NPPA: variants seen among roughly 807,000 people sequenced by gnomAD.
NPPA encodes the protein natriuretic peptides A.
Under a neutral mutation model 12.2 loss-of-function variants are expected in NPPA, and 10 were observed. The observed-to-expected ratio is 0.82, with a 90% CI of 0.50 to 1.38. The LOEUF (loss-of-function observed/expected upper bound fraction) is 1.38. Ranked by LOEUF, NPPA falls within the 40% of genes most tolerant of loss-of-function variation. The probability of loss-of-function intolerance (pLI) is 0.00; values close to 1 mark genes in which losing one functional copy is unlikely to be tolerated. For missense variants in NPPA, 207 were observed against 193.5 expected, an observed-to-expected ratio of 1.07 and a Z score of -0.41; for synonymous variants, 85 against 80.2, an observed-to-expected ratio of 1.06 and a Z score of -0.32.
rs372733750 is a variant in NPPA at position 11,847,691 on chromosome 1, G to C, written c.-7C>G. The C allele has an allele frequency of 6.2e-7, 1 of 1,614,096 alleles. No homozygotes were observed. Among genetic ancestry groups the C allele is most frequent in the Non-Finnish European group, 8.5e-7 (1 of 1,180,018 alleles). ...TGGTGGAGAAGGAGCTCATGCTGGC[G>C]TCGTCAAGGAGCAATCCACTGCTTG... On this transcript the variant is annotated 5_prime_UTR_variant, in exon 1 of 3. Coordinates refer to ENST00000376480, the MANE Select transcript of NPPA (RefSeq NM_006172.4).
chr1:11,847,483 CTT>C, intron 1 of NPPA, 44 bp from the exon 2 acceptor site: 1 of 1,614,090 alleles, frequency 6.2e-7, no homozygotes, highest in Non-Finnish European at 8.5e-7. Flanking sequence ...ACCTCACTGA[CTT>C]GGAGGAAATC....
intron 2 of NPPA, among the ~76,000 whole-genome samples, chr1:11,846,635 T>TTTTTTTTTTTTTTA (rs1557442339): frequency 6.9e-6 from 1 of 144,406 alleles, no homozygotes. Context: ...TTTTTTTTTT[T>TTTTTTTTTTTTTTA]GAGACAGTCT....
In NPPA at chr1:11,845,754, C is replaced by CT. The variant is rs1645063739; in HGVS notation, c.*254dup. The CT allele has an allele frequency of 3.6e-6, 2 of 556,524 alleles. No homozygotes were observed. Among genetic ancestry groups the CT allele is most frequent in the Non-Finnish European group, 6.5e-6 (2 of 308,818 alleles). The allele number at this position is 556,524 out of a possible 1,614,324, so 34.5% of individuals were successfully genotyped here. On this transcript the variant is annotated 3_prime_UTR_variant, in exon 3 of 3. Coordinates refer to ENST00000376480, the MANE Select transcript of NPPA (RefSeq NM_006172.4). ...CTGAAGTTTATTCACTTTCAAACCA[C>CT]TTTCAGTAACAGGTGAGGTTCTACC... is the stretch of plus-strand genomic sequence containing the variant.
At chr1:11,847,062 G>A (rs762849641) in intron 2 of NPPA, 51 bp downstream of exon 2, 7 of 1,469,332 alleles carry the variant, frequency 4.8e-6, no homozygotes, top group South Asian at 1.4e-5. Flanking sequence ...TGCTGAAGGT[G>A]TCTCCCAGTA....
At position 11,847,175 on chromosome 1, in the gene NPPA, A is replaced by G; in HGVS notation, c.388T>C (p.Cys130Arg). 6.3e-7 allele frequency: 1 copy of G among 1,593,014 alleles called. No individual in the cohort carries two copies. The highest frequency in any genetic ancestry group is 8.6e-7 in the Non-Finnish European group (1 of 1,166,148). Reference sequence around the variant, plus strand: ...ATCCTGTCCATCCTGCCCCCGAAGCAGCTGGATCTCCGCAGGCTCCGAGGG... The same window carrying G: ...ATCCTGTCCATCCTGCCCCCGAAGCGGCTGGATCTCCGCAGGCTCCGAGGG... ...TAPRSLRRSS[C>R]FGGRMDRIGA... is the part of the protein sequence containing the mutation. The change falls in exon 2 of 3, where the codon TGC becomes CGC. Residue 130 changes from cysteine (C) to arginine (R), a missense_variant. Transcript: ENST00000376480.
intron 2 of NPPA, among the ~76,000 whole-genome samples, chr1:11,846,521 C>T (rs1274136926): frequency 4.6e-5 from 7 of 151,480 alleles, no homozygotes; most frequent in Non-Finnish European, 4.4e-5. Context: ...GGGGTTTCAC[C>T]GTGTTAGCCA....
chr1:11,846,834 T>A (rs1475657886), intron 2 of NPPA, among the ~76,000 whole-genome samples: 3 of 151,652 alleles, frequency 2.0e-5, no homozygotes, highest in African/African-American at 4.8e-5. Flanking sequence ...CAGGATAGTC[T>A]TGATCTCTTG....
Position 11,847,423 on chromosome 1 carries a change from A to C in NPPA, c.140T>G (p.Leu47Trp), listed in dbSNP as rs762538922. Reference protein sequence around the residue: ...LMDFKNLLDHLEEKMPLEDEV... With the variant: ...LMDFKNLLDHWEEKMPLEDEV... Reference sequence around the variant, plus strand: ...ATCTTCTAAAGGCATCTTTTCTTCCAAATGGTCCAGCAAATTCTTTAGAAA... The same window carrying C: ...ATCTTCTAAAGGCATCTTTTCTTCCCAATGGTCCAGCAAATTCTTTAGAAA... The change falls in exon 2 of 3, where the codon TTG (leucine) becomes TGG (tryptophan). Residue 47 changes from leucine to tryptophan, a missense_variant. Transcript: ENST00000376480. The C allele has an allele frequency of 2.3e-5, 37 of 1,614,102 alleles. No homozygotes were observed. Among genetic ancestry groups the C allele is most frequent in the Non-Finnish European group, 3.0e-5 (35 of 1,180,022 alleles).
chr1:11,845,995 C>G lies in NPPA; in HGVS notation c.*14G>C. On this transcript the variant is annotated 3_prime_UTR_variant, in exon 3 of 3. Coordinates refer to ENST00000376480, the MANE Select transcript of NPPA (RefSeq NM_006172.4). ...CCTAGGCCCAGCCCTGCTTGTCCTC[C>G]CTGGCTGTTATCTTCAGTACTGCAA... 1 of 1,614,042 alleles carries G rather than the reference C, an allele frequency of 6.2e-7. No homozygotes were observed.
intron 2 of NPPA, among the ~76,000 whole-genome samples, chr1:11,846,667 C>G (rs1645070891): frequency 1.4e-5 from 2 of 142,132 alleles, no homozygotes; most frequent in Admixed American, 7.1e-5. Context: ...CTAGGCTGGA[C>G]TGCAGTGGCG....
rs867272369 is a variant in NPPA, at chr1:11,847,185, C to T, written c.378G>A (p.Arg126=). The change falls in exon 2 of 3, where the codon CGG becomes CGA. Residue 126 remains arginine, a synonymous_variant. Transcript: ENST00000376480. ...RALLTAPRSL[R]RSSCFGGRMD... ...TCCTGCCCCCGAAGCAGCTGGATCT[C>T]CGCAGGCTCCGAGGGGCAGTGAGCA... is the stretch of plus-strand genomic sequence containing the variant. 6.2e-7 allele frequency: 1 copy of T among 1,600,392 alleles called. No individual in the cohort carries two copies. The highest frequency in any genetic ancestry group is 8.5e-7 in the Non-Finnish European group (1 of 1,170,170).
chr1:11,847,340 TGAGAGCA>T lies in NPPA; in HGVS notation c.216_222del (p.Leu74ProfsTer36). 1 of 1,613,696 alleles carries T rather than the reference TGAGAGCA, an allele frequency of 6.2e-7. No homozygotes were observed. The highest frequency in any genetic ancestry group is 8.5e-7 in the Non-Finnish European group (1 of 1,179,828). On this transcript the variant is annotated frameshift_variant, in exon 2 of 3. Transcript: ENST00000376480. LOFTEE classifies it high-confidence loss of function. ...CAGGGAGGCACCTCAGGGAGGGGGC[TGAGAGCA>T]GCCCCCGCTTCTTCATTCGGCTCAC...
chr1:11,847,153 C>G lies in NPPA; in HGVS notation c.410G>C (p.Arg137Thr). 6.3e-7 allele frequency: 1 copy of G among 1,575,008 alleles called. No homozygotes were observed. The highest frequency in any genetic ancestry group is 8.6e-7 in the Non-Finnish European group (1 of 1,158,438). ...RSSCFGGRMD[R>T]IGAQSGLGCN... ...GCCCAGTCCGCTCTGGGCTCCAATC[C>G]TGTCCATCCTGCCCCCGAAGCAGCT... The change falls in exon 2 of 3, where the codon AGG becomes ACG. Residue 137 changes from arginine to threonine, a missense_variant. By Grantham distance (71) the Arg-to-Thr change is moderately conservative (BLOSUM62 -1). Coordinates refer to ENST00000376480, the MANE Select transcript of NPPA (RefSeq NM_006172.4).
intron 2 of NPPA, among the ~76,000 whole-genome samples, chr1:11,846,585 G>A (rs1398349576): frequency 2.0e-5 from 3 of 147,780 alleles, no homozygotes; most frequent in South Asian, 2.1e-4. Context: ...CTCCCAAAGC[G>A]CTGGGATTAC....
Position 11,847,737 on chromosome 1 carries a change from G to A in NPPA, c.-53C>T. On this transcript the variant is annotated 5_prime_UTR_variant, in exon 1 of 3. Coordinates refer to ENST00000376480, the MANE Select transcript of NPPA (RefSeq NM_006172.4). ...GCTTGCTGCTCTGTCTCTCCCCTCT[G>A]GTTCCTCTCTGGTTCCCCTCTCTTG... 3 of 1,612,766 alleles carry A rather than the reference G, an allele frequency of 1.9e-6. No individual in the cohort carries two copies. Among genetic ancestry groups the A allele is most frequent in the Non-Finnish European group, 2.5e-6 (3 of 1,179,874 alleles).
intron 2 of NPPA, among the ~76,000 whole-genome samples, 188 bp from the exon 3 acceptor site, chr1:11,846,202 T>C (rs1463524073): frequency 6.6e-6 from 1 of 152,176 alleles, no homozygotes; most frequent in Admixed American, 6.5e-5. Context: ...AGAGTAAATT[T>C]CACTTAAGCC....
chr1:11,847,239 A>G lies in NPPA; in HGVS notation c.324T>C (p.Ser108=), dbSNP rs768776273. Residue 108 remains serine, a synonymous_variant, in exon 2 of 3, where the codon TCT becomes TCC. Transcript: ENST00000376480. The stretch of plus-strand genomic sequence containing the variant: ...CCCTCAGCTTGCTTTTTAGGAGGGC[A>G]GATCGATCAGAGGAGTCCCAGGGGC... ...GRGPWDSSDR[S]ALLKSKLRAL... 1.2e-6 allele frequency: 2 copies of G among 1,612,906 alleles called. No homozygotes were observed. The highest frequency in any genetic ancestry group is 1.1e-5 in the South Asian group (1 of 91,076).
intron 1 of NPPA, 60 bp from the exon 2 acceptor site, chr1:11,847,499 A>G: frequency 6.2e-7 from 1 of 1,614,086 alleles, no homozygotes; most frequent in Non-Finnish European, 8.5e-7. Context: ...GGAAATCAAG[A>G]GGAGTGAGCA....
At position 11,847,753 on chromosome 1, in the gene NPPA, C is replaced by T; in HGVS notation, c.-69G>A. 6.2e-7 allele frequency: 1 copy of T among 1,610,362 alleles called. No homozygotes were observed. Among genetic ancestry groups the T allele is most frequent in the Non-Finnish European group, 8.5e-7 (1 of 1,178,278 alleles). On this transcript the variant is annotated 5_prime_UTR_variant, in exon 1 of 3. Transcript: ENST00000376480. Reference sequence around the variant, plus strand: ...CTCCCCTCTGGTTCCTCTCTGGTTCCCCTCTCTTGGCCTACGTCTGTCCCT... The same window carrying T: ...CTCCCCTCTGGTTCCTCTCTGGTTCTCCTCTCTTGGCCTACGTCTGTCCCT...
Sources: gnomAD v4.1 joint callset for allele counts (sites outside exome capture counted in the v4.1 genomes callset) on GRCh38, gnomAD v4.1.1 for gene constraint, MANE v1.5 for transcripts, NCBI Gene and HGNC (gene_info 2026-07-23, HGNC 2026-07-21) for gene names.